Variants in DENND3 observed in about 807,000 individuals in gnomAD.
The protein encoded by DENND3 is DENN domain-containing protein 3.
DENND3 carries 88 observed loss-of-function variants against 135.1 expected under a neutral mutation model. The ratio of observed to expected loss-of-function variants is 0.65; its 90% CI spans 0.55 to 0.78. DENND3 has a LOEUF of 0.78. Ranked by LOEUF, DENND3 falls within the 30% of genes least tolerant of loss-of-function variation. The pLI is 0.00. For synonymous variants in DENND3, 693 were observed against 712.3 expected, an observed-to-expected ratio of 0.97 and a Z score of 0.43; for missense variants, 1,392 against 1,688.4, an observed-to-expected ratio of 0.82 and a Z score of 3.08.
chr8:141,129,742 C>T (rs552195326), intron 1 of DENND3: 4 of 152,320 alleles, frequency 2.6e-5, no homozygotes, highest in Admixed American at 6.5e-5. Flanking sequence ...TTAAATGACG[C>T]TGGGCTATCC....
intron 9 of DENND3, 45 bp downstream of exon 9, chr8:141,160,832 C>T: frequency 6.3e-7 from 1 of 1,580,522 alleles, no homozygotes; most frequent in Non-Finnish European, 8.7e-7. Context: ...GGTAACCAGC[C>T]AGCCATCCAT....
rs771287907 is a variant in DENND3 at position 141,176,586 on chromosome 8, T to G, written c.2536-5T>G. The G allele has an allele frequency of 9.9e-6, 16 of 1,614,146 alleles. No homozygotes were observed. Among genetic ancestry groups the G allele is most frequent in the Non-Finnish European group, 1.4e-5 (16 of 1,180,056 alleles). ...ATTCCTAACTTTTCTTTTCTGCCTC[T>G]GCAGGAGGTCAGGAGAACCACTACT... On this transcript the variant is annotated splice_region_variant and splice_polypyrimidine_tract_variant and intron_variant, in intron 14 of 22. Coordinates refer to ENST00000519811, the MANE Select transcript of DENND3 (RefSeq NM_001352890.3).
intron 4 of DENND3, among the ~76,000 whole-genome samples, chr8:141,143,446 T>G (rs958130562): frequency 2.6e-5 from 4 of 152,190 alleles, no homozygotes; most frequent in Non-Finnish European, 5.9e-5. Context: ...TCACTGCCAC[T>G]GAGGCTGCGG....
At chr8:141,133,062 G>A (rs1490911841) in intron 1 of DENND3, among the ~76,000 whole-genome samples, 2 of 152,228 alleles carry the variant, frequency 1.3e-5, no homozygotes, top group Non-Finnish European at 2.9e-5. Flanking sequence ...TGATGAGCTG[G>A]GAGGTGGAGG....
Position 141,128,782 on chromosome 8 carries a change from C to CCGG in DENND3, c.76_78dup (p.Arg26dup). On this transcript the variant is annotated inframe_insertion, in exon 1 of 23. Coordinates refer to ENST00000519811, the MANE Select transcript of DENND3 (RefSeq NM_001352890.3). This position sits in a 1 kb window ranked among gnomAD's most constrained non-coding sequence, Gnocchi z 4.5. ...AGCTCTGCGCGCTGCTGGGCGCCCC[C>CCGG]CGGGACAGTCTCCGAAGTCTCGAGC... The CCGG allele has an allele frequency of 6.8e-7, 1 of 1,462,102 alleles. No homozygotes were observed. Among genetic ancestry groups the CCGG allele is most frequent in the Non-Finnish European group, 9.0e-7 (1 of 1,107,910 alleles). 90.6% of individuals were successfully genotyped at this position (1,462,102 alleles called of 1,614,324 possible). A position where few individuals can be genotyped will look rare whatever the true frequency, so the allele number is the denominator to read the frequency against.
chr8:141,136,383 C>T, intron 1 of DENND3, 126 bp from the exon 2 acceptor site: 1 of 1,015,476 alleles, frequency 9.8e-7, no homozygotes, highest in Admixed American at 2.9e-5. Context: ...CTGTTAGGAG[C>T]CTGAGGCGCC....
At position 141,167,906 on chromosome 8, in the gene DENND3, C is replaced by T; in HGVS notation, c.1754-98C>T. ...CACCCATTCTCATTTTATTTTGCAT[C>T]CAGAGAAACATTGTCCTTGACAAGA... On this transcript the variant is annotated intron_variant, in intron 12 of 22. Coordinates refer to ENST00000519811, the MANE Select transcript of DENND3 (RefSeq NM_001352890.3). The surrounding 1 kb of genome is among the most constrained non-coding windows in gnomAD (Gnocchi z 4.1). The T allele has an allele frequency of 6.7e-7, 1 of 1,484,380 alleles. No homozygotes were observed. The allele number at this position is 1,484,380 out of a possible 1,614,324, so 92.0% of individuals were successfully genotyped here.
intron 18 of DENND3, among the ~76,000 whole-genome samples, chr8:141,186,905 G>A (rs1274143634): frequency 3.3e-5 from 5 of 152,140 alleles, no homozygotes; most frequent in Non-Finnish European, 5.9e-5. Context: ...ATCTGTGTGC[G>A]CTTCCCTGTC....
intron 17 of DENND3, among the ~76,000 whole-genome samples, chr8:141,181,773 G>GTAT (rs1381020625): frequency 6.6e-6 from 1 of 152,050 alleles, no homozygotes; most frequent in Non-Finnish European, 1.5e-5. Context: ...TATTTTTTGT[G>GTAT]TATTTTTTAT....
At chr8:141,158,894 C>G (rs1290454252) in intron 8 of DENND3, among the ~76,000 whole-genome samples, 8 of 152,344 alleles carry the variant, frequency 5.3e-5, no homozygotes, top group Admixed American at 5.2e-4. Context: ...CCATCTCCTT[C>G]AGACCCCACT....
rs1328033237 is a variant in DENND3, at chr8:141,154,565, C to A, written c.1075-1284C>A. ...ACATGTATTGGAATCTTTTTTTTTTCTTTTTTTTTTTTGTGAGATGGAGTT... is the reference window on the plus strand; with the variant it reads ...ACATGTATTGGAATCTTTTTTTTTTATTTTTTTTTTTTGTGAGATGGAGTT... On this transcript the variant is annotated intron_variant, in intron 7 of 22. Transcript: ENST00000519811. This position sits in a 1 kb window ranked among gnomAD's most constrained non-coding sequence, Gnocchi z 4.4. Among the ~76,000 whole-genome samples the A allele has an allele frequency of 7.0e-6, 1 of 142,300 alleles. No homozygotes were observed. 93.4% of individuals were successfully genotyped at this position (142,300 alleles called of 152,430 possible). A position where few individuals can be genotyped will look rare whatever the true frequency, so the allele number is the denominator to read the frequency against.
intron 8 of DENND3, among the ~76,000 whole-genome samples, chr8:141,160,040 C>A (rs1819932362): frequency 6.6e-6 from 1 of 152,322 alleles, no homozygotes; most frequent in Admixed American, 6.5e-5. Flanking sequence ...CTTTGGTGAC[C>A]TAGAAGGGGG....
chr8:141,178,858 G>C (rs1822737701), intron 16 of DENND3, among the ~76,000 whole-genome samples: 1 of 152,156 alleles, frequency 6.6e-6, no homozygotes, highest in African/African-American at 2.4e-5. Context: ...AGGGTTTTCT[G>C]GTCTTCTTGT....
At chr8:141,186,048 T>G (rs1362967928) in intron 18 of DENND3, among the ~76,000 whole-genome samples, 2 of 151,572 alleles carry the variant, frequency 1.3e-5, no homozygotes, top group Non-Finnish European at 2.9e-5. Context: ...GCTCAAGGGA[T>G]CCACCTCGGT....
In DENND3 at chr8:141,132,061, C is replaced by G. The variant is rs146736744; in HGVS notation, c.102+3252C>G. ...AGACTTGAGAACCACCCACACATCT[C>G]TCAGGAGGAGGCTGGGTCAATACAT... On this transcript the variant is annotated intron_variant, in intron 1 of 22. Transcript: ENST00000519811. Among the ~76,000 whole-genome samples, 395 of 152,226 alleles carry G rather than the reference C, an allele frequency of 2.6e-3. 2 individuals carry two copies. The highest frequency in any genetic ancestry group is 9.2e-3 in the African/African-American group (383 of 41,524).
chr8:141,169,145 C>T (rs544637460), intron 13 of DENND3, among the ~76,000 whole-genome samples: 1 of 152,376 alleles, frequency 6.6e-6, no homozygotes, highest in East Asian at 1.9e-4. Flanking sequence ...AGGCGTGAGC[C>T]ACCGCGCCTG....
intron 17 of DENND3, among the ~76,000 whole-genome samples, chr8:141,183,174 A>G (rs527972002): frequency 5.9e-5 from 9 of 152,370 alleles, no homozygotes; most frequent in Admixed American, 5.9e-4. Flanking sequence ...ATGGTAAAGA[A>G]AAAAATGCAT....
At position 141,190,269 on chromosome 8, in the gene DENND3, G is replaced by T. The variant is rs537443106; in HGVS notation, c.3246-15G>T. 3.8e-6 allele frequency: 6 copies of T among 1,573,960 alleles called. No individual in the cohort carries two copies. In the Admixed American group the frequency reaches 7.2e-5, roughly 19 times the overall value. ...GCCCAAGTTAAAGGTGTGTGTGTGT[G>T]TTTTGTGCCCCCAGCAACGTGTACT... is the stretch of plus-strand genomic sequence containing the variant. On this transcript the variant is annotated splice_polypyrimidine_tract_variant and intron_variant, in intron 19 of 22. Coordinates refer to ENST00000519811, the MANE Select transcript of DENND3 (RefSeq NM_001352890.3).
At chr8:141,178,002 A>G (rs577356859) in intron 15 of DENND3, 65 bp from the exon 16 acceptor site, 28 of 1,535,854 alleles carry the variant, frequency 1.8e-5, no homozygotes, top group Non-Finnish European at 2.4e-5. Context: ...GTGTTGCAAC[A>G]AGGTCTCCGG....
Sources: allele counts gnomAD v4.1 joint callset (sites outside exome capture counted in the v4.1 genomes callset), GRCh38; gene constraint gnomAD v4.1.1; non-coding constraint Gnocchi (gnomAD v3.1); transcripts MANE v1.5; gene names NCBI Gene and HGNC (gene_info 2026-07-23, HGNC 2026-07-21).